PLET1: variants seen among roughly 807,000 people sequenced by gnomAD.
PLET1 encodes placenta expressed transcript 1.
In PLET1, 20 loss-of-function variants were observed where a neutral mutation model predicts 18.5. That is an observed-to-expected ratio of 1.08 (90% CI 0.76 to 1.57). PLET1 has a LOEUF of 1.57. Ranked by LOEUF, PLET1 falls within the 40% of genes most tolerant of loss-of-function variation. The pLI, the probability that PLET1 is intolerant of heterozygous loss-of-function variation, is 0.00. For missense variants in PLET1, 256 were observed against 246.4 expected, an observed-to-expected ratio of 1.04 and a Z score of -0.26; for synonymous variants, 93 against 93.8, an observed-to-expected ratio of 0.99 and a Z score of 0.05.
intron 1 of PLET1, among the ~76,000 whole-genome samples, chr11:112,256,290 G>A (rs1277983171): frequency 1.3e-5 from 2 of 152,218 alleles, no homozygotes; most frequent in Non-Finnish European, 2.9e-5. Context: ...TCTCTTCTGA[G>A]TGAATTCCTC....
intron 1 of PLET1, among the ~76,000 whole-genome samples, chr11:112,257,609 GT>G (rs568378278): frequency 0.031 from 4,648 of 147,848 alleles, 91 homozygotes; most frequent in African/African-American, 0.065. Flanking sequence ...GCCCATAGAA[GT>G]TTTTTTTTTT....
At chr11:112,252,492 G>T in intron 2 of PLET1, 83 bp from the exon 3 acceptor site, 1 of 1,196,354 alleles carries the variant, frequency 8.4e-7, no homozygotes, top group Non-Finnish European at 1.2e-6. Flanking sequence ...GGACTTCCCC[G>T]CCGCTTAATT....
At position 112,260,794 on chromosome 11, in the gene PLET1, T is replaced by C. The variant is rs1860281445; in HGVS notation, c.-205A>G. On this transcript the variant is annotated 5_prime_UTR_variant, in exon 1 of 4. Coordinates refer to ENST00000338832, the MANE Select transcript of PLET1 (RefSeq NM_001145024.1). ...TCACCATTACCTGTCACCGATGATT[T>C]TGCAAATTGCAGTTTTGCTCAAGAA... 2 of 533,248 alleles carry C rather than the reference T, an allele frequency of 3.8e-6. No individual in the cohort carries two copies. The highest frequency in any genetic ancestry group is 1.9e-5 in the African/African-American group (1 of 52,836). 33.0% of individuals were successfully genotyped at this position (533,248 alleles called of 1,614,324 possible). A position where few individuals can be genotyped will look rare whatever the true frequency, so the allele number is the denominator to read the frequency against.
At chr11:112,254,627 TGA>T (rs1398818096) in intron 2 of PLET1, among the ~76,000 whole-genome samples, 1 of 82,358 alleles carries the variant, frequency 1.2e-5, no homozygotes, top group Non-Finnish European at 2.7e-5. Flanking sequence ...GTGTGTGGTA[TGA>T]GTGTGTGTGG....
rs375173445 is a variant in PLET1, at chr11:112,255,474, C to G, written c.300G>C (p.Thr100=). Residue 100 remains threonine (T), a synonymous_variant, in exon 2 of 4, where the codon ACG becomes ACC. Transcript: ENST00000338832. ...TCATGTATTGATCTTTCACGTAATA[C>G]GTGGAGTTGCTGTAGCAATTTTTAT... ...RADKNCYSNS[T]YYVKDQYMTV... 1.3e-6 allele frequency: 2 copies of G among 1,552,204 alleles called. No individual in the cohort carries two copies. Among genetic ancestry groups the G allele is most frequent in the Non-Finnish European group, 1.7e-6 (2 of 1,147,044 alleles).
chr11:112,248,884 C>A lies in PLET1; in HGVS notation c.539G>T (p.Gly180Val), dbSNP rs28548361. The change falls in exon 4 of 4, where the codon GGC (glycine) becomes GTC (valine). Residue 180 changes from glycine to valine, a missense_variant. Gly to Val is a moderately radical substitution (Grantham distance 109). Transcript: ENST00000338832. The part of the protein sequence containing the change: ...MITPKSIRLE[G>V]LANQVFSSPI... The stretch of plus-strand genomic sequence containing the variant: ...GCTGCTGAAGACTTGGTTGGCCAAG[C>A]CTTCGAGTCTGATACTCTTGGGTGT... 11 of 1,551,318 alleles carry A rather than the reference C, an allele frequency of 7.1e-6. No individual in the cohort carries two copies. Among genetic ancestry groups the A allele is most frequent in the African/African-American group, 1.4e-5 (1 of 72,958 alleles).
intron 2 of PLET1, among the ~76,000 whole-genome samples, chr11:112,254,976 T>TTG (rs1860207348): frequency 3.7e-5 from 1 of 26,722 alleles, no homozygotes; most frequent in Non-Finnish European, 1.2e-4. Flanking sequence ...GTGAGTGTGG[T>TTG]GTGTGTGTGA....
At chr11:112,257,274 T>C (rs947581579) in intron 1 of PLET1, among the ~76,000 whole-genome samples, 5 of 152,060 alleles carry the variant, frequency 3.3e-5, no homozygotes, top group Admixed American at 6.5e-5. Flanking sequence ...CCTGAAAGCC[T>C]TCCTTCCCTC....
At chr11:112,252,060 CA>C (rs1860162478) in intron 3 of PLET1, among the ~76,000 whole-genome samples, 1 of 152,172 alleles carries the variant, frequency 6.6e-6, no homozygotes, top group South Asian at 2.1e-4. Context: ...TGGTATTGAA[CA>C]GAAACAGCTC....
intron 2 of PLET1, among the ~76,000 whole-genome samples, chr11:112,252,658 C>G (rs1860168078): frequency 1.3e-5 from 2 of 152,196 alleles, no homozygotes; most frequent in South Asian, 4.1e-4. Flanking sequence ...TGCCCACAGG[C>G]TGGTACACAT....
intron 2 of PLET1, among the ~76,000 whole-genome samples, chr11:112,254,000 C>T (rs987671757): frequency 6.6e-6 from 1 of 152,218 alleles, no homozygotes; most frequent in African/African-American, 2.4e-5. Context: ...GGTGACCTTA[C>T]CTCAGAATCT....
At position 112,248,827 on chromosome 11, in the gene PLET1, G is replaced by A; in HGVS notation, c.596C>T (p.Ala199Val). 6.4e-7 allele frequency: 1 copy of A among 1,551,612 alleles called. No homozygotes were observed. Reference protein sequence around the residue: ...PITEAIYILLAFLTSTLLF With the variant: ...PITEAIYILLVFLTSTLLF The stretch of plus-strand genomic sequence containing the variant: ...GAAGAGAAGTGTGCTGGTGAGAAAA[G>A]CAAGCAGGATATAAATGGCCTCTGT... Residue 199 changes from alanine to valine, a missense_variant, in exon 4 of 4, where the codon GCT becomes GTT. Transcript: ENST00000338832.
chr11:112,249,143 G>A (rs1259404997), intron 3 of PLET1, among the ~76,000 whole-genome samples, 169 bp from the exon 4 acceptor site: 1 of 152,096 alleles, frequency 6.6e-6, no homozygotes, highest in East Asian at 1.9e-4. Flanking sequence ...TTCAGAGGAG[G>A]GGAAAAGCTG....
At position 112,260,483 on chromosome 11, in the gene PLET1, GT is replaced by G; in HGVS notation, c.106del (p.Thr36ProfsTer8). ...GGTTATGGTGTAGTATTCATCAAAG[GT>G]GAAGCAGGTGCTACTGTACCTTATA... Reference protein sequence around the residue: ...TFIRYSSTCFTFDEYYTITLD... With the variant: ...TFIRYSSTCFXFDEYYTITLD... On this transcript the variant is annotated frameshift_variant, in exon 1 of 4. Coordinates refer to ENST00000338832, the MANE Select transcript of PLET1 (RefSeq NM_001145024.1). LOFTEE classifies it high-confidence loss of function. The G allele has an allele frequency of 6.4e-7, 1 of 1,551,758 alleles. No homozygotes were observed. Among genetic ancestry groups the G allele is most frequent in the Non-Finnish European group, 8.7e-7 (1 of 1,146,954 alleles).
intron 1 of PLET1, among the ~76,000 whole-genome samples, chr11:112,258,285 T>C (rs12287893): frequency 1.1e-4 from 16 of 144,400 alleles, no homozygotes; most frequent in East Asian, 4.1e-4. Flanking sequence ...TTCTTTCTTT[T>C]TTTTTTTTTT....
chr11:112,252,247 G>T (rs1860163888), intron 3 of PLET1, 101 bp downstream of exon 3: 4 of 1,001,950 alleles, frequency 4.0e-6, no homozygotes, highest in African/African-American at 1.6e-5. Flanking sequence ...GCTGAGTGAT[G>T]CGTGGTAAGA....
chr11:112,252,531 A>C, intron 2 of PLET1, 122 bp from the exon 3 acceptor site: 1 of 812,142 alleles, frequency 1.2e-6, no homozygotes, highest in Non-Finnish European at 2.0e-6. Context: ...TGTATGGCAC[A>C]ATGAGCAGAT....
intron 2 of PLET1, among the ~76,000 whole-genome samples, chr11:112,253,702 C>G (rs144226322): frequency 9.8e-5 from 15 of 152,324 alleles, no homozygotes. Context: ...TCTACTCTTG[C>G]AGTCACTCTG....
intron 3 of PLET1, among the ~76,000 whole-genome samples, chr11:112,251,706 C>G (rs1300744185): frequency 6.6e-6 from 1 of 152,120 alleles, no homozygotes; most frequent in Admixed American, 6.5e-5. Context: ...GCCACTGCAC[C>G]CAGCCTTAAA....
Sources: allele counts gnomAD v4.1 joint callset (sites outside exome capture counted in the v4.1 genomes callset), GRCh38; gene constraint gnomAD v4.1.1; transcripts MANE v1.5; gene names NCBI Gene and HGNC (gene_info 2026-07-23, HGNC 2026-07-21).